Variants in SIM2 observed in about 807,000 individuals in gnomAD.
SIM2 encodes single-minded homolog 2.
SIM2 carries 28 observed loss-of-function variants against 64.8 expected under a neutral mutation model. The ratio of observed to expected loss-of-function variants is 0.43; its 90% CI spans 0.32 to 0.59. SIM2 has a LOEUF of 0.59. Ranked by LOEUF, SIM2 falls within the 20% of genes least tolerant of loss-of-function variation. The probability of loss-of-function intolerance (pLI) is 0.07; values close to 1 mark genes in which losing one functional copy is unlikely to be tolerated. For synonymous variants in SIM2, 408 were observed against 391.1 expected, an observed-to-expected ratio of 1.04 and a Z score of -0.51; for missense variants, 847 against 871.4, an observed-to-expected ratio of 0.97 and a Z score of 0.35.
intron 3 of SIM2, among the ~76,000 whole-genome samples, chr21:36,715,790 A>G (rs2088739065): frequency 6.6e-6 from 1 of 152,212 alleles, no homozygotes; most frequent in African/African-American, 2.4e-5. Flanking sequence ...ATTTGAGGGT[A>G]TGGAAATGAT....
chr21:36,741,541 G>A lies in SIM2; in HGVS notation c.851-176G>A, dbSNP rs560031604. 3.5e-5 allele frequency among the ~76,000 whole-genome samples: 5 copies of A among 143,756 alleles called. No homozygotes were observed. In the East Asian group the frequency reaches 5.8e-4, roughly 17 times the overall value. 94.3% of individuals were successfully genotyped at this position (143,756 alleles called of 152,430 possible). On this transcript the variant is annotated intron_variant, in intron 7 of 10. Transcript: ENST00000290399. ...CCTGTGTGCACATGTATATGCACGC[G>A]TGTGTGTGTGTGCACGCACGAGACG...
At chr21:36,712,863 G>A (rs541650755) in intron 3 of SIM2, among the ~76,000 whole-genome samples, 8 of 152,144 alleles carry the variant, frequency 5.3e-5, no homozygotes, top group Admixed American at 3.9e-4. Context: ...TCTTCACCCC[G>A]TCAGCCTTGT....
At chr21:36,744,387 G>C (rs1434584545) in intron 9 of SIM2, among the ~76,000 whole-genome samples, 1 of 149,238 alleles carries the variant, frequency 6.7e-6, no homozygotes, top group African/African-American at 2.5e-5. Context: ...AAGGAAGGAA[G>C]GAAGGGAAGG....
At chr21:36,722,898 G>A (rs1468518635) in intron 4 of SIM2, 147 bp from the exon 5 acceptor site, 4 of 675,272 alleles carry the variant, frequency 5.9e-6, no homozygotes, top group South Asian at 1.7e-5. Flanking sequence ...TCTCAGCCAA[G>A]GCCGAAGATC....
At chr21:36,710,486 C>T (rs1450641926) in intron 2 of SIM2, 1 of 152,228 alleles carries the variant, frequency 6.6e-6, no homozygotes, top group Non-Finnish European at 1.5e-5. Flanking sequence ...TTTACAGAGC[C>T]TCATCAACGA....
chr21:36,743,567 G>A lies in SIM2; in HGVS notation c.1167+12G>A, dbSNP rs768274425. On this transcript the variant is annotated intron_variant, in intron 9 of 10. Transcript: ENST00000290399. Reference sequence around the variant, plus strand: ...CTTACCCCCCACAGGTAACACGCATGTCCTGCAGTTTTGGGGTGCTGACAT... The same window carrying A: ...CTTACCCCCCACAGGTAACACGCATATCCTGCAGTTTTGGGGTGCTGACAT... The A allele has an allele frequency of 1.2e-6, 2 of 1,611,236 alleles. No individual in the cohort carries two copies. The highest frequency in any genetic ancestry group is 1.7e-6 in the Non-Finnish European group (2 of 1,178,788).
intron 4 of SIM2, 78 bp from the exon 5 acceptor site, chr21:36,722,967 A>G: frequency 9.1e-7 from 1 of 1,100,150 alleles, no homozygotes; most frequent in Admixed American, 1.7e-5. Flanking sequence ...GGCCCTGGGA[A>G]CACATTGGTG....
chr21:36,700,884 G>T (rs994065048), intron 1 of SIM2, among the ~76,000 whole-genome samples: 3 of 152,284 alleles, frequency 2.0e-5, no homozygotes, highest in South Asian at 2.1e-4. Context: ...TGGGACCCGC[G>T]GTGCGGAAGA....
Position 36,747,790 on chromosome 21 carries a change from G to A in SIM2, c.1702G>A (p.Gly568Arg), listed in dbSNP as rs1320271494. Residue 568 changes from glycine to arginine, a missense_variant, in exon 11 of 11, where the codon GGG becomes AGG. Gly to Arg is a moderately radical substitution (Grantham distance 125). Transcript: ENST00000290399. This position sits in a 1 kb window ranked among gnomAD's most constrained non-coding sequence, Gnocchi z 4.5. ...AKAARQAARD[G>R]ARLALARAAP... The stretch of plus-strand genomic sequence containing the variant: ...AGCCGCCCGCCAGGCCGCCCGGGAC[G>A]GGGCGCGGCTGGCGCTGGCCCGCGC... 4 of 1,068,080 alleles carry A rather than the reference G, an allele frequency of 3.7e-6. No homozygotes were observed. The highest frequency in any genetic ancestry group is 6.7e-5 in the East Asian group (1 of 14,932). 66.2% of individuals were successfully genotyped at this position (1,068,080 alleles called of 1,614,324 possible).
chr21:36,699,860 C>A lies in SIM2; in HGVS notation c.114C>A (p.Asp38Glu). 6.2e-7 allele frequency: 1 copy of A among 1,609,632 alleles called. No individual in the cohort carries two copies. Residue 38 changes from aspartate to glutamate, a missense_variant, in exon 1 of 11, where the codon GAC (aspartate) becomes GAA (glutamate). Transcript: ENST00000290399. This position sits in a 1 kb window ranked among gnomAD's most constrained non-coding sequence, Gnocchi z 5.6. ...PLPSAITSQL[D>E]KASIIRLTTS... ...CGTCGGCCATCACTTCGCAGCTGGACAAAGCGTCCATCATCCGCCTCACCA... is the reference window on the plus strand; with the variant it reads ...CGTCGGCCATCACTTCGCAGCTGGAAAAAGCGTCCATCATCCGCCTCACCA...
rs750756563 is a variant in SIM2 at position 36,745,832 on chromosome 21, C to T, written c.1576+696C>T. The stretch of plus-strand genomic sequence containing the variant: ...CCTCTGCGGAGATACCGCCAGCTCC[C>T]CAGGACGCAGACTGACTCCTGTTTG... On this transcript the variant is annotated intron_variant, in intron 10 of 10. Transcript: ENST00000290399. The surrounding 1 kb of genome is among the most constrained non-coding windows in gnomAD (Gnocchi z 4.8). The T allele has an allele frequency of 7.7e-7, 1 of 1,304,074 alleles. No individual in the cohort carries two copies. Among genetic ancestry groups the T allele is most frequent in the South Asian group, 1.2e-5 (1 of 81,004 alleles). The allele number at this position is 1,304,074 out of a possible 1,614,324, so 80.8% of individuals were successfully genotyped here.
intron 5 of SIM2, among the ~76,000 whole-genome samples, chr21:36,723,614 T>C (rs996464717): frequency 6.6e-6 from 1 of 152,208 alleles, no homozygotes; most frequent in Non-Finnish European, 1.5e-5. Flanking sequence ...GCACCACACC[T>C]GGGCCACTCC....
chr21:36,711,792 CATAAAT>C (rs1205016241), intron 2 of SIM2, among the ~76,000 whole-genome samples: 13 of 152,322 alleles, frequency 8.5e-5, no homozygotes, highest in Non-Finnish European at 1.6e-4. Flanking sequence ...ATCCTTGACA[CATAAAT>C]ATAATCATTA....
chr21:36,703,063 G>A (rs189605956), intron 1 of SIM2, among the ~76,000 whole-genome samples: 1 of 152,186 alleles, frequency 6.6e-6, no homozygotes, highest in Non-Finnish European at 1.5e-5. Flanking sequence ...CTGTAGCAAG[G>A]GCAATAGCAG....
chr21:36,717,051 A>T (rs77298223), intron 3 of SIM2, among the ~76,000 whole-genome samples: 2 of 152,296 alleles, frequency 1.3e-5, no homozygotes, highest in East Asian at 3.9e-4. Context: ...ACAGCTCTGG[A>T]GTTTTCCCGT....
intron 1 of SIM2, among the ~76,000 whole-genome samples, chr21:36,705,602 G>A (rs1246217995): frequency 6.6e-6 from 1 of 152,220 alleles, no homozygotes; most frequent in Non-Finnish European, 1.5e-5. Flanking sequence ...GAGGTTAGAG[G>A]TCGGGCCCTT....
At chr21:36,731,691 C>T (rs2088970658) in intron 7 of SIM2, among the ~76,000 whole-genome samples, 1 of 152,132 alleles carries the variant, frequency 6.6e-6, no homozygotes, top group Admixed American at 6.5e-5. Context: ...GACTGCTATA[C>T]CCCAGCCAGC....
chr21:36,708,439 C>G (rs2256622), intron 1 of SIM2, among the ~76,000 whole-genome samples: 120,072 of 152,166 alleles, frequency 0.79, 47,914 homozygotes, highest in African/African-American at 0.92. Context: ...CGGAGGAGTC[C>G]GGGGATCCCT....
intron 4 of SIM2, among the ~76,000 whole-genome samples, chr21:36,721,673 C>T (rs1002214822): frequency 2.0e-5 from 3 of 152,198 alleles, no homozygotes; most frequent in South Asian, 2.1e-4. Context: ...GAACCTCAGG[C>T]GATCTGCCCA....
Sources: gnomAD v4.1 joint callset for allele counts (sites outside exome capture counted in the v4.1 genomes callset) on GRCh38, gnomAD v4.1.1 for gene constraint, Gnocchi (gnomAD v3.1) non-coding constraint, MANE v1.5 for transcripts, NCBI Gene and HGNC (gene_info 2026-07-23, HGNC 2026-07-21) for gene names.